ZNF639: variants seen among roughly 807,000 people sequenced by gnomAD.
The protein encoded by ZNF639 is zinc finger protein 639, also known as zinc finger amplified in esophageal squamous cell carcinomas 1.
A neutral mutation model predicts 39.8 loss-of-function variants in ZNF639; 20 were observed. The observed-to-expected ratio is 0.50, with a 90% CI of 0.35 to 0.73. ZNF639 has a LOEUF of 0.73. ZNF639 is among the 30% of genes least tolerant of loss of function. The pLI is 0.00. For synonymous variants in ZNF639, 176 were observed against 189.8 expected (o/e 0.93, Z 0.60); for missense variants, 477 against 566.2 (o/e 0.84, Z 1.60).
At chr3:179,324,571 T>C (rs1187862545) in intron 1 of ZNF639, among the ~76,000 whole-genome samples, 1 of 152,152 alleles carries the variant, frequency 6.6e-6, no homozygotes, top group African/African-American at 2.4e-5. Flanking sequence ...AAATGAAGGA[T>C]GGTTAGCATT....
At position 179,337,964 on chromosome 3, in the gene ZNF639, A is replaced by C. The variant is rs542124785; in HGVS notation, c.*3542A>C. The C allele has an allele frequency of 6.6e-6, 1 of 151,464 alleles. No homozygotes were observed. Among genetic ancestry groups the C allele is most frequent in the African/African-American group, 2.4e-5 (1 of 41,212 alleles). 9.4% of individuals were successfully genotyped at this position (151,464 alleles called of 1,614,324 possible). On this transcript the variant is annotated 3_prime_UTR_variant, in exon 6 of 6. Transcript: ENST00000496856. Reference sequence around the variant, plus strand: ...CTATTTTTAGTAGAGATGGGGTTTCACCATCTTGGCCAGGCTGGTCTTGAA... The same window carrying C: ...CTATTTTTAGTAGAGATGGGGTTTCCCCATCTTGGCCAGGCTGGTCTTGAA...
rs1469518252 is a variant in ZNF639, at chr3:179,337,521, G to C, written c.*3099G>C. 1.4e-5 allele frequency: 2 copies of C among 144,490 alleles called. No homozygotes were observed. Among genetic ancestry groups the C allele is most frequent in the African/African-American group, 2.4e-5 (1 of 40,958 alleles). The allele number at this position is 144,490 out of a possible 1,614,324, so 9.0% of individuals were successfully genotyped here. ...CCGGCTAATTTTTGTGTTTTTAATA[G>C]AGACGGGGTTTCACCATGTTGACCA... On this transcript the variant is annotated 3_prime_UTR_variant, in exon 6 of 6. Coordinates refer to ENST00000496856, the MANE Select transcript of ZNF639 (RefSeq NM_001303426.2).
Position 179,336,531 on chromosome 3 carries a change from A to G in ZNF639, c.*2109A>G, listed in dbSNP as rs941773266. 14 of 152,234 alleles carry G rather than the reference A, an allele frequency of 9.2e-5. No homozygotes were observed. The highest frequency in any genetic ancestry group is 3.4e-4 in the African/African-American group (14 of 41,466). 9.4% of individuals were successfully genotyped at this position (152,234 alleles called of 1,614,324 possible). ...TCCATCTAATTATAACATTCCTGTT[A>G]CGGCTGATAACAAATGTTTCTCAGA... On this transcript the variant is annotated 3_prime_UTR_variant, in exon 6 of 6. Transcript: ENST00000496856.
At chr3:179,331,730 G>A (rs1270214619) in intron 4 of ZNF639, among the ~76,000 whole-genome samples, 6 of 145,182 alleles carry the variant, frequency 4.1e-5, no homozygotes, top group East Asian at 2.1e-4. Flanking sequence ...AGCCGAGATC[G>A]CGCCATTGCA....
intron 1 of ZNF639, among the ~76,000 whole-genome samples, chr3:179,326,775 A>G (rs1727616532): frequency 6.6e-6 from 1 of 151,706 alleles, no homozygotes; most frequent in Non-Finnish European, 1.5e-5. Context: ...GCAGGTGCGC[A>G]CCATCACACC....
Position 179,338,579 on chromosome 3 carries a change from A to G in ZNF639, c.*4157A>G, listed in dbSNP as rs1043393344. Reference sequence around the variant, plus strand: ...TCCTAATTATTAAATCTGATTTACAAAGCATTGAATGACTTAATCCTGGCA... The same window carrying G: ...TCCTAATTATTAAATCTGATTTACAGAGCATTGAATGACTTAATCCTGGCA... On this transcript the variant is annotated 3_prime_UTR_variant, in exon 6 of 6. Coordinates refer to ENST00000496856, the MANE Select transcript of ZNF639 (RefSeq NM_001303426.2). 1 of 151,548 alleles carries G rather than the reference A, an allele frequency of 6.6e-6. No homozygotes were observed. The highest frequency in any genetic ancestry group is 2.4e-5 in the African/African-American group (1 of 41,258). 9.4% of individuals were successfully genotyped at this position (151,548 alleles called of 1,614,324 possible).
In ZNF639 at chr3:179,327,588, T is replaced by C. The variant is rs191960970; in HGVS notation, c.-55T>C. The C allele has an allele frequency of 1.4e-4, 22 of 152,324 alleles. No individual in the cohort carries two copies. The highest frequency in any genetic ancestry group is 2.9e-4 in the African/African-American group (12 of 41,574). 9.4% of individuals were successfully genotyped at this position (152,324 alleles called of 1,614,324 possible). On this transcript the variant is annotated 5_prime_UTR_variant, in exon 2 of 6. Coordinates refer to ENST00000496856, the MANE Select transcript of ZNF639 (RefSeq NM_001303426.2). ...ATTTTTTACTGTCTACAGAAACTTA[T>C]TGTAATTCATTTTTCCTCACTCCAG... is the stretch of plus-strand genomic sequence containing the variant.
chr3:179,333,284 T>C lies in ZNF639; in HGVS notation c.320T>C (p.Ile107Thr), dbSNP rs759999922. The C allele has an allele frequency of 6.9e-6, 11 of 1,601,706 alleles. No individual in the cohort carries two copies. Among genetic ancestry groups the C allele is most frequent in the Admixed American group, 1.7e-5 (1 of 57,822 alleles). ...TATTCTTCAGAAAAATCTGCTGATA[T>C]TGTAATTTGTGATGAAGAGTGTGAC... ...TAFSTEKSAD[I>T]VICDEECDSP... is the part of the protein sequence containing the mutation. The change falls in exon 6 of 6, where the codon ATT becomes ACT. Residue 107 changes from isoleucine (I) to threonine (T), a missense_variant. Coordinates refer to ENST00000496856, the MANE Select transcript of ZNF639 (RefSeq NM_001303426.2).
At chr3:179,324,231 TTATC>T (rs1460827114) in intron 1 of ZNF639, among the ~76,000 whole-genome samples, 3 of 152,240 alleles carry the variant, frequency 2.0e-5, no homozygotes, top group East Asian at 1.9e-4. Flanking sequence ...TTTGAAACGT[TTATC>T]TATTTGATGA....
chr3:179,334,351 A>G lies in ZNF639; in HGVS notation c.1387A>G (p.Ser463Gly), dbSNP rs753831917. The part of the protein sequence containing the change: ...KHSADLPHKC[S>G]DCLMRFGNER... ...TTCAGCTGACTTGCCTCATAAATGTAGTGACTGCTTGATGAGGTTTGGAAA... is the reference window on the plus strand; with the variant it reads ...TTCAGCTGACTTGCCTCATAAATGTGGTGACTGCTTGATGAGGTTTGGAAA... Residue 463 changes from serine (S) to glycine (G), a missense_variant, in exon 6 of 6, where the codon AGT becomes GGT. Transcript: ENST00000496856. The G allele has an allele frequency of 8.1e-6, 13 of 1,607,794 alleles. No individual in the cohort carries two copies. In the South Asian group the frequency reaches 1.5e-4, roughly 18 times the overall value.
intron 4 of ZNF639, among the ~76,000 whole-genome samples, chr3:179,331,567 T>C (rs1300090526): frequency 1.3e-5 from 2 of 151,676 alleles, no homozygotes; most frequent in Non-Finnish European, 2.9e-5. Context: ...TCACCTGAGG[T>C]CAGGAGTTTG....
chr3:179,327,057 C>T (rs573960382), intron 1 of ZNF639, among the ~76,000 whole-genome samples: 184 of 151,830 alleles, frequency 1.2e-3, no homozygotes, highest in African/African-American at 4.1e-3. Flanking sequence ...CGGTGTGGTG[C>T]CACATGCCTG....
Position 179,334,428 on chromosome 3 carries a change from CTCTT to C in ZNF639, c.*8_*11del. On this transcript the variant is annotated 3_prime_UTR_variant, in exon 6 of 6. Transcript: ENST00000496856. Reference sequence around the variant, plus strand: ...CAGTCCATGAGACAACTTGATTATTCTCTTTAACTTACAGAATGTTAGTTTAAAA... The same window carrying C: ...CAGTCCATGAGACAACTTGATTATTCTAACTTACAGAATGTTAGTTTAAAA... The C allele has an allele frequency of 6.6e-7, 1 of 1,505,682 alleles. No homozygotes were observed. The highest frequency in any genetic ancestry group is 1.4e-5 in the South Asian group (1 of 71,446). 93.3% of individuals were successfully genotyped at this position (1,505,682 alleles called of 1,614,324 possible). A position where few individuals can be genotyped will look rare whatever the true frequency, so the allele number is the denominator to read the frequency against.
In ZNF639 at chr3:179,335,644, A is replaced by T. The variant is rs1436557177; in HGVS notation, c.*1222A>T. ...AAGGCCAGACATTCAAAATGGAGTT[A>T]TTGGCAGTTGGTTCCTTCTGAGGGT... On this transcript the variant is annotated 3_prime_UTR_variant, in exon 6 of 6. Transcript: ENST00000496856. 1.3e-5 allele frequency: 2 copies of T among 152,116 alleles called. No homozygotes were observed. The highest frequency in any genetic ancestry group is 2.9e-5 in the Non-Finnish European group (2 of 68,030). 9.4% of individuals were successfully genotyped at this position (152,116 alleles called of 1,614,324 possible).
Position 179,323,077 on chromosome 3 carries a change from C to T in ZNF639, c.-297C>T. ...GAGCGTGGCGGCCAGGGCAGTGCGG[C>T]CGCGGAGCCTAGGCCAGGGGCCTGG... On this transcript the variant is annotated 5_prime_UTR_variant, in exon 1 of 6. Coordinates refer to ENST00000496856, the MANE Select transcript of ZNF639 (RefSeq NM_001303426.2). 1.0e-6 allele frequency: 1 copy of T among 984,922 alleles called. No individual in the cohort carries two copies. The highest frequency in any genetic ancestry group is 1.2e-6 in the Non-Finnish European group (1 of 829,966). 61.0% of individuals were successfully genotyped at this position (984,922 alleles called of 1,614,324 possible). A position where few individuals can be genotyped will look rare whatever the true frequency, so the allele number is the denominator to read the frequency against.
At chr3:179,330,799 A>G (rs1160739433) in intron 4 of ZNF639, among the ~76,000 whole-genome samples, 1 of 152,336 alleles carries the variant, frequency 6.6e-6, no homozygotes, top group Middle Eastern at 3.4e-3. Flanking sequence ...AATGATAACA[A>G]TTTACAACTT....
rs1208518959 is a variant in ZNF639, at chr3:179,333,860, C to T, written c.896C>T (p.Ser299Phe). 5.0e-6 allele frequency: 8 copies of T among 1,614,146 alleles called. No homozygotes were observed. Among genetic ancestry groups the T allele is most frequent in the Non-Finnish European group, 6.8e-6 (8 of 1,180,038 alleles). ...YWCEQCDVQF[S>F]SSSELYLHFQ... ...TGTGAACAGTGTGATGTACAGTTCT[C>T]CTCAAGCAGTGAACTCTACCTACAT... Residue 299 changes from serine to phenylalanine, a missense_variant, in exon 6 of 6, where the codon TCC becomes TTC. Transcript: ENST00000496856.
In ZNF639 at chr3:179,335,828, T is replaced by C. The variant is rs928192622; in HGVS notation, c.*1406T>C. On this transcript the variant is annotated 3_prime_UTR_variant, in exon 6 of 6. Coordinates refer to ENST00000496856, the MANE Select transcript of ZNF639 (RefSeq NM_001303426.2). Reference sequence around the variant, plus strand: ...TTTTTGAGACAGAATTTCACTCTTGTCGCCCAGGCTGGAGTACAGTGGCGC... The same window carrying C: ...TTTTTGAGACAGAATTTCACTCTTGCCGCCCAGGCTGGAGTACAGTGGCGC... 3 of 151,286 alleles carry C rather than the reference T, an allele frequency of 2.0e-5. No individual in the cohort carries two copies. The highest frequency in any genetic ancestry group is 7.3e-5 in the African/African-American group (3 of 41,056). The allele number at this position is 151,286 out of a possible 1,614,324, so 9.4% of individuals were successfully genotyped here. A position where few individuals can be genotyped will look rare whatever the true frequency, so the allele number is the denominator to read the frequency against.
In ZNF639 at chr3:179,336,418, ATGG is replaced by A. The variant is rs1711529113; in HGVS notation, c.*2000_*2002del. ...TTCAAGAATTTAGTCTGTTTGGACA[ATGG>A]TGGCTGCAAGTATTCTTAGAAGGTA... On this transcript the variant is annotated 3_prime_UTR_variant, in exon 6 of 6. Coordinates refer to ENST00000496856, the MANE Select transcript of ZNF639 (RefSeq NM_001303426.2). 1 of 152,254 alleles carries A rather than the reference ATGG, an allele frequency of 6.6e-6. No homozygotes were observed. The highest frequency in any genetic ancestry group is 2.4e-5 in the African/African-American group (1 of 41,460). The allele number at this position is 152,254 out of a possible 1,614,324, so 9.4% of individuals were successfully genotyped here.
Sources: gnomAD v4.1 joint callset for allele counts (sites outside exome capture counted in the v4.1 genomes callset) on GRCh38, gnomAD v4.1.1 for gene constraint, MANE v1.5 for transcripts, NCBI Gene and HGNC (gene_info 2026-07-23, HGNC 2026-07-21) for gene names.